Variants in APBB2 observed in about 807,000 individuals in gnomAD.
APBB2 encodes the protein Fe65-like 1.
In APBB2, 38 loss-of-function variants were observed where a neutral mutation model predicts 82.5. That is an observed-to-expected ratio of 0.46 (90% CI 0.36 to 0.60). APBB2 has a LOEUF of 0.60. APBB2 is among the 20% of genes least tolerant of loss of function. The pLI is 0.00. For synonymous variants in APBB2, 341 were observed against 368.2 expected (o/e 0.93, Z 0.85); for missense variants, 772 against 972.3 (o/e 0.79, Z 2.74).
chr4:41,072,059 A>G (rs1189236540), intron 3 of APBB2, among the ~76,000 whole-genome samples: 1 of 152,196 alleles, frequency 6.6e-6, no homozygotes, highest in Non-Finnish European at 1.5e-5. Flanking sequence ...AAAGGAAGAG[A>G]CTGCTGAAGT....
intron 3 of APBB2, among the ~76,000 whole-genome samples, chr4:41,080,738 T>C (rs2153931488): frequency 6.6e-6 from 1 of 151,356 alleles, no homozygotes; most frequent in South Asian, 2.1e-4. Context: ...GTTTCACTCT[T>C]GTTGCCCAGG....
At chr4:40,893,042 T>G in intron 11 of APBB2, 1 of 421,054 alleles carries the variant, frequency 2.4e-6, no homozygotes, top group Non-Finnish European at 4.1e-6. Context: ...CCTTAGCTAC[T>G]GAGAAACGCT....
intron 12 of APBB2, chr4:40,842,614 G>C (rs931168044): frequency 3.1e-5 from 6 of 193,320 alleles, no homozygotes; most frequent in African/African-American, 1.4e-4. Flanking sequence ...TGAATTTACA[G>C]AGGCAACATA....
intron 8 of APBB2, 29 bp downstream of exon 8, chr4:40,935,048 A>T (rs894912973): frequency 4.7e-6 from 7 of 1,484,532 alleles, no homozygotes; most frequent in Non-Finnish European, 5.4e-6. Context: ...TAAAATATTA[A>T]ATGATCTAAG....
At chr4:41,054,314 C>G (rs142617133) in intron 4 of APBB2, among the ~76,000 whole-genome samples, 6 of 152,288 alleles carry the variant, frequency 3.9e-5, no homozygotes, top group Non-Finnish European at 8.8e-5. Context: ...ATTCTCAGGT[C>G]TCACTGGCCA....
At chr4:40,988,944 A>T (rs1184618249) in intron 6 of APBB2, among the ~76,000 whole-genome samples, 1 of 151,894 alleles carries the variant, frequency 6.6e-6, no homozygotes, top group Admixed American at 6.6e-5. Context: ...TTTTTAGTAG[A>T]GACGAGGGTT....
chr4:41,116,352 A>G (rs1750976420), intron 2 of APBB2, among the ~76,000 whole-genome samples: 1 of 152,188 alleles, frequency 6.6e-6, no homozygotes. Context: ...ATTAGGAGAA[A>G]TACCTAATGT....
At chr4:40,886,615 C>T (rs1770375782) in intron 12 of APBB2, among the ~76,000 whole-genome samples, 1 of 152,196 alleles carries the variant, frequency 6.6e-6, no homozygotes, top group Non-Finnish European at 1.5e-5. Flanking sequence ...GCACAGGTCC[C>T]TGAAACTGGG....
chr4:41,199,241 C>T (rs768762159), intron 1 of APBB2, among the ~76,000 whole-genome samples: 4 of 152,144 alleles, frequency 2.6e-5, no homozygotes, highest in Non-Finnish European at 5.9e-5. Context: ...TCTCTTTAAC[C>T]AGTTACCTTA....
chr4:40,865,999 T>C (rs1337537221), intron 12 of APBB2, among the ~76,000 whole-genome samples: 1 of 152,226 alleles, frequency 6.6e-6, no homozygotes, highest in Non-Finnish European at 1.5e-5. Flanking sequence ...TTTCTTACTT[T>C]GCTGTTGCGA....
intron 12 of APBB2, among the ~76,000 whole-genome samples, chr4:40,871,926 G>C (rs923846637): frequency 1.3e-5 from 2 of 152,196 alleles, no homozygotes; most frequent in African/African-American, 4.8e-5. Flanking sequence ...ACAACCCGAG[G>C]TTGAAGAGAT....
At chr4:41,173,059 A>G (rs745480419) in intron 1 of APBB2, among the ~76,000 whole-genome samples, 9 of 152,198 alleles carry the variant, frequency 5.9e-5, no homozygotes, top group Admixed American at 1.3e-4. Context: ...TATTACCACT[A>G]CAAGGAAATT....
intron 5 of APBB2, 127 bp downstream of exon 5, chr4:41,033,109 G>T: frequency 2.7e-6 from 2 of 750,626 alleles, no homozygotes; most frequent in Non-Finnish European, 4.5e-6. Context: ...TTACATTAGT[G>T]AAGAACAATG....
chr4:40,934,815 A>G lies in APBB2; in HGVS notation c.1108-116T>C, dbSNP rs966153771. On this transcript the variant is annotated intron_variant, in intron 8 of 17. Coordinates refer to ENST00000508593, the MANE Select transcript of APBB2 (RefSeq NM_004307.2). ...AGAGGCAGAGAGTGTACGTGAGCTT[A>G]GGCAGAGAAAGGCATGCAAGGACTG... 10 of 762,884 alleles carry G rather than the reference A, an allele frequency of 1.3e-5. No homozygotes were observed. In the Admixed American group the frequency reaches 1.7e-4, roughly 13 times the overall value. 47.3% of individuals were successfully genotyped at this position (762,884 alleles called of 1,614,324 possible).
At chr4:40,887,900 C>T (rs1435894708) in intron 12 of APBB2, among the ~76,000 whole-genome samples, 2 of 152,168 alleles carry the variant, frequency 1.3e-5, no homozygotes, top group East Asian at 1.9e-4. Context: ...AAAACATAAC[C>T]AAGGCAATGT....
chr4:40,888,020 C>T (rs1177865545), intron 12 of APBB2, among the ~76,000 whole-genome samples: 3 of 152,224 alleles, frequency 2.0e-5, no homozygotes, highest in Non-Finnish European at 1.5e-5. Context: ...ATCACGTGAT[C>T]AAGCGTACTT....
chr4:40,935,223 A>G, intron 7 of APBB2, 84 bp from the exon 8 acceptor site: 1 of 1,004,312 alleles, frequency 1.0e-6, no homozygotes, highest in East Asian at 2.6e-5. Context: ...AACACAAGAC[A>G]CTGTTGTTAG....
chr4:40,964,359 T>C (rs1794063608), intron 6 of APBB2, among the ~76,000 whole-genome samples: 1 of 152,146 alleles, frequency 6.6e-6, no homozygotes, highest in South Asian at 2.1e-4. Context: ...CTACCTGTCA[T>C]CTGATTCAAC....
chr4:40,820,541 T>C (rs1254122600), intron 17 of APBB2, among the ~76,000 whole-genome samples: 2 of 151,984 alleles, frequency 1.3e-5, no homozygotes, highest in East Asian at 3.9e-4. Flanking sequence ...GGCAGGTGCC[T>C]GTAATCCCAG....
Sources: allele counts gnomAD v4.1 joint callset (sites outside exome capture counted in the v4.1 genomes callset), GRCh38; gene constraint gnomAD v4.1.1; transcripts MANE v1.5; gene names NCBI Gene and HGNC (gene_info 2026-07-23, HGNC 2026-07-21).